Variants in PDE4D observed in about 807,000 individuals in gnomAD.
PDE4D encodes 3',5'-cyclic-AMP phosphodiesterase 4D.
In PDE4D, 24 loss-of-function variants were observed where a neutral mutation model predicts 87.4. That is an observed-to-expected ratio of 0.27 (90% CI 0.20 to 0.39). PDE4D has a LOEUF of 0.39. Ranked by LOEUF, PDE4D falls within the 10% of genes least tolerant of loss-of-function variation. The pLI, the probability that PDE4D is intolerant of heterozygous loss-of-function variation, is 1.00. For missense variants in PDE4D, 714 were observed against 1,041.0 expected, an observed-to-expected ratio of 0.69 and a Z score of 4.32; for synonymous variants, 384 against 383.2, an observed-to-expected ratio of 1.00 and a Z score of -0.02.
At chr5:59,473,373 G>A (rs1325569354) in intron 1 of PDE4D, among the ~76,000 whole-genome samples, 2 of 151,686 alleles carry the variant, frequency 1.3e-5, no homozygotes, top group Non-Finnish European at 2.9e-5. Flanking sequence ...ATTCACCTGG[G>A]AATTTTAAAA....
At chr5:60,048,928 G>C (rs1239441342) in intron 2 of PDE4D, among the ~76,000 whole-genome samples, 1 of 152,108 alleles carries the variant, frequency 6.6e-6, no homozygotes, top group African/African-American at 2.4e-5. Flanking sequence ...GCTACATTGG[G>C]GAAGTTCTCC....
intron 5 of PDE4D, among the ~76,000 whole-genome samples, chr5:59,132,057 A>G (rs1776366747): frequency 6.6e-6 from 1 of 152,118 alleles, no homozygotes; most frequent in Non-Finnish European, 1.5e-5. Context: ...CAATTCCTAA[A>G]TATTATTATC....
chr5:60,076,199 C>A (rs777163751), intron 2 of PDE4D, among the ~76,000 whole-genome samples: 8 of 151,756 alleles, frequency 5.3e-5, no homozygotes, highest in Non-Finnish European at 1.2e-4. Context: ...CGCTCTGTTG[C>A]CCAGTCTGGA....
At chr5:59,732,243 T>A (rs1443275788) in intron 1 of PDE4D, among the ~76,000 whole-genome samples, 1 of 152,158 alleles carries the variant, frequency 6.6e-6, no homozygotes, top group Non-Finnish European at 1.5e-5. Flanking sequence ...TTCCTCTTCC[T>A]CTGTTTTACC....
At chr5:59,587,163 C>CT (rs1358408200) in intron 1 of PDE4D, 2 of 261,240 alleles carry the variant, frequency 7.7e-6, no homozygotes, top group African/African-American at 4.6e-5. Context: ...TGGCTGTTCT[C>CT]TTTAAGTAAA....
chr5:59,428,242 G>A (rs1238300234), intron 1 of PDE4D, among the ~76,000 whole-genome samples: 3 of 152,010 alleles, frequency 2.0e-5, no homozygotes, highest in Admixed American at 2.0e-4. Flanking sequence ...GCTTTAAATC[G>A]AGCTATGTTT....
chr5:59,507,400 G>T (rs2153666971), intron 1 of PDE4D, among the ~76,000 whole-genome samples: 2 of 152,146 alleles, frequency 1.3e-5, no homozygotes, highest in South Asian at 4.1e-4. Flanking sequence ...TTTGTATGAA[G>T]ATGAAAATGA....
At chr5:60,460,662 C>T (rs1020151861) in intron 1 of PDE4D, 1 of 1,118,106 alleles carries the variant, frequency 8.9e-7, no homozygotes, top group Non-Finnish European at 1.3e-6. Context: ...AGGCCAATGT[C>T]TCCTCCGGTC....
chr5:60,101,681 T>TA (rs2149332276), intron 2 of PDE4D, among the ~76,000 whole-genome samples: 1 of 152,260 alleles, frequency 6.6e-6, no homozygotes, highest in Non-Finnish European at 1.5e-5. Context: ...AGTAGAATCT[T>TA]AGAAGCTAGG....
intron 1 of PDE4D, among the ~76,000 whole-genome samples, chr5:59,630,825 T>C (rs982628805): frequency 7.9e-5 from 12 of 152,188 alleles, no homozygotes; most frequent in African/African-American, 2.9e-4. Flanking sequence ...TAGCTTCAGG[T>C]ATGATCTTAC....
At chr5:60,339,556 C>A (rs1041424084) in intron 1 of PDE4D, among the ~76,000 whole-genome samples, 8 of 152,130 alleles carry the variant, frequency 5.3e-5, no homozygotes, top group Admixed American at 1.3e-4. Context: ...TAACCGAAAC[C>A]ACAAAAAGCC....
At chr5:59,487,844 C>T (rs1350752232) in intron 1 of PDE4D, among the ~76,000 whole-genome samples, 1 of 152,064 alleles carries the variant, frequency 6.6e-6, no homozygotes, top group African/African-American at 2.4e-5. Flanking sequence ...AGTGAGATCC[C>T]GCATGTAACA....
chr5:59,795,706 T>C (rs1392770284), intron 1 of PDE4D, among the ~76,000 whole-genome samples: 1 of 152,198 alleles, frequency 6.6e-6, no homozygotes, highest in Admixed American at 6.5e-5. Flanking sequence ...TCCACCTCCA[T>C]GCACTACCCT....
At chr5:59,134,767 T>C (rs1272431192) in intron 5 of PDE4D, among the ~76,000 whole-genome samples, 3 of 152,194 alleles carry the variant, frequency 2.0e-5, no homozygotes, top group Admixed American at 6.5e-5. Context: ...CCCTTTCTCA[T>C]AGTGAGGGTG....
chr5:60,001,883 G>GA (rs35443499), intron 2 of PDE4D, among the ~76,000 whole-genome samples: 121,612 of 134,356 alleles, frequency 0.91, 54,935 homozygotes, highest in East Asian at 0.93. Flanking sequence ...AATTACAAAG[G>GA]AAAAAAAAAA....
intron 2 of PDE4D, among the ~76,000 whole-genome samples, chr5:60,046,516 C>G (rs1191857546): frequency 1.3e-5 from 2 of 151,666 alleles, no homozygotes; most frequent in Non-Finnish European, 2.9e-5. Context: ...TCATAGATAG[C>G]TCTTATTATT....
At chr5:59,159,998 G>GCTCCT (rs1780810080) in intron 5 of PDE4D, among the ~76,000 whole-genome samples, 1 of 152,172 alleles carries the variant, frequency 6.6e-6, no homozygotes, top group Non-Finnish European at 1.5e-5. Context: ...GAATGACAGG[G>GCTCCT]AAGTACAAAA....
intron 1 of PDE4D, among the ~76,000 whole-genome samples, chr5:60,401,111 C>T (rs1489892836): frequency 6.6e-6 from 1 of 152,090 alleles, no homozygotes; most frequent in Non-Finnish European, 1.5e-5. Context: ...GGCTTTATTA[C>T]ACAAAAGCCA....
chr5:59,067,908 A>T (rs1764176761), intron 5 of PDE4D, among the ~76,000 whole-genome samples: 1 of 152,184 alleles, frequency 6.6e-6, no homozygotes, highest in Non-Finnish European at 1.5e-5. Flanking sequence ...ACATGTATTA[A>T]TTAAGTAGGT....
Sources: allele counts gnomAD v4.1 joint callset (sites outside exome capture counted in the v4.1 genomes callset), GRCh38; gene constraint gnomAD v4.1.1; transcripts MANE v1.5; gene names NCBI Gene and HGNC (gene_info 2026-07-23, HGNC 2026-07-21).